The following ANGPT1 variants were observed in gnomAD, a reference collection of about 807,000 sequenced individuals.
ANGPT1 encodes the protein angiopoietin-1.
Under a neutral mutation model 62.2 loss-of-function variants are expected in ANGPT1, and 17 were observed. The observed-to-expected ratio is 0.27, with a 90% CI of 0.19 to 0.41. ANGPT1 has a LOEUF of 0.41. ANGPT1 is among the 10% of genes least tolerant of loss of function. ANGPT1 has a pLI of 1.00. For synonymous variants in ANGPT1, 199 were observed against 198.9 expected (o/e 1.00, Z 0.00); for missense variants, 478 against 594.9 (o/e 0.80, Z 2.04).
At chr8:107,311,451 G>C (rs1192040361) in intron 4 of ANGPT1, among the ~76,000 whole-genome samples, 1 of 151,986 alleles carries the variant, frequency 6.6e-6, no homozygotes, top group Non-Finnish European at 1.5e-5. Context: ...TTACTAAAGG[G>C]ATACATTTTA....
chr8:107,336,486 A>G (rs59730519), intron 2 of ANGPT1: 10 of 570,804 alleles, frequency 1.8e-5, no homozygotes, highest in Middle Eastern at 1.3e-3. Flanking sequence ...AAACATGGTG[A>G]AACCCCGTCT....
chr8:107,494,170 GATTCCCCAAATCTTAGAACATTAT>G (rs1370796185), intron 1 of ANGPT1, among the ~76,000 whole-genome samples: 1 of 152,096 alleles, frequency 6.6e-6, no homozygotes, highest in African/African-American at 2.4e-5. Context: ...ATCTTCTAAG[GATTCCCCAAATCTTAGAACATTAT>G]ACATATTTAA....
intron 4 of ANGPT1, among the ~76,000 whole-genome samples, chr8:107,310,861 G>T (rs2130009488): frequency 6.6e-6 from 1 of 152,242 alleles, no homozygotes; most frequent in Admixed American, 6.5e-5. Flanking sequence ...TTTGCTAGAA[G>T]CTTCAAAGAC....
intron 1 of ANGPT1, among the ~76,000 whole-genome samples, chr8:107,416,270 C>T (rs980623598): frequency 6.6e-6 from 1 of 152,150 alleles, no homozygotes; most frequent in Non-Finnish European, 1.5e-5. Flanking sequence ...TTGGAGTTCC[C>T]ATGATTCCCT....
intron 1 of ANGPT1, among the ~76,000 whole-genome samples, chr8:107,370,809 A>G (rs1816393206): frequency 6.6e-6 from 1 of 151,918 alleles, no homozygotes; most frequent in South Asian, 2.1e-4. Flanking sequence ...AATAATCACT[A>G]ATCACAAATA....
chr8:107,268,559 A>G (rs544460849), intron 7 of ANGPT1, among the ~76,000 whole-genome samples: 1 of 152,146 alleles, frequency 6.6e-6, no homozygotes, highest in African/African-American at 2.4e-5. Flanking sequence ...AGAATAAAGG[A>G]AAAAAAGGCC....
chr8:107,365,011 A>T (rs1376607207), intron 1 of ANGPT1, among the ~76,000 whole-genome samples: 1 of 152,192 alleles, frequency 6.6e-6, no homozygotes, highest in African/African-American at 2.4e-5. Flanking sequence ...TAACACAACT[A>T]CCTGAACATC....
intron 1 of ANGPT1, chr8:107,494,944 AG>A (rs1563648733): frequency 2.0e-5 from 3 of 152,206 alleles, no homozygotes; most frequent in African/African-American, 7.2e-5. Context: ...CAGTTTCTGC[AG>A]GGTGTTGCTT....
chr8:107,347,210 G>A (rs1210384269), intron 1 of ANGPT1, 113 bp from the exon 2 acceptor site: 32 of 1,090,578 alleles, frequency 2.9e-5, no homozygotes, highest in East Asian at 9.9e-5. Context: ...GCCATCTGGC[G>A]GGGATCCTCT....
intron 1 of ANGPT1, among the ~76,000 whole-genome samples, chr8:107,419,881 A>G (rs895675330): frequency 6.6e-6 from 1 of 152,194 alleles, no homozygotes; most frequent in Non-Finnish European, 1.5e-5. Context: ...AATAGATCTC[A>G]TATTGCACTG....
At chr8:107,322,852 T>TA (rs1158254342) in intron 3 of ANGPT1, 1 of 178,310 alleles carries the variant, frequency 5.6e-6, no homozygotes, top group East Asian at 1.7e-4. Flanking sequence ...GAAAACTATA[T>TA]TGACACAGAA....
At chr8:107,372,976 A>G (rs1816446970) in intron 1 of ANGPT1, among the ~76,000 whole-genome samples, 1 of 152,080 alleles carries the variant, frequency 6.6e-6, no homozygotes, top group Non-Finnish European at 1.5e-5. Context: ...AGTACTTTGA[A>G]AACTATTACC....
chr8:107,420,574 T>G (rs1356106867), intron 1 of ANGPT1, among the ~76,000 whole-genome samples: 1 of 152,148 alleles, frequency 6.6e-6, no homozygotes, highest in Non-Finnish European at 1.5e-5. Flanking sequence ...ATCTTCCCAA[T>G]CAGACGGAGA....
At chr8:107,425,344 A>T (rs771059012) in intron 1 of ANGPT1, among the ~76,000 whole-genome samples, 13 of 152,204 alleles carry the variant, frequency 8.5e-5, no homozygotes, top group Non-Finnish European at 1.3e-4. Context: ...CTGACTTATT[A>T]CTTAATACAG....
chr8:107,325,281 T>C (rs1302342048), intron 3 of ANGPT1, among the ~76,000 whole-genome samples: 2 of 152,236 alleles, frequency 1.3e-5, no homozygotes, highest in Non-Finnish European at 2.9e-5. Context: ...GTGTCTTAGC[T>C]TATTCTCTGT....
chr8:107,320,105 C>A (rs1283520110), intron 4 of ANGPT1, among the ~76,000 whole-genome samples: 1 of 152,068 alleles, frequency 6.6e-6, no homozygotes, highest in Admixed American at 6.6e-5. Context: ...GACACAGTTA[C>A]TTTTTTCACT....
intron 1 of ANGPT1, among the ~76,000 whole-genome samples, chr8:107,381,551 G>A (rs1816637165): frequency 6.6e-6 from 1 of 152,104 alleles, no homozygotes; most frequent in Admixed American, 6.6e-5. Flanking sequence ...GCCCTGAAGA[G>A]GAATTATACT....
chr8:107,369,633 T>G (rs1816341363), intron 1 of ANGPT1, among the ~76,000 whole-genome samples: 1 of 152,112 alleles, frequency 6.6e-6, no homozygotes, highest in African/African-American at 2.4e-5. Flanking sequence ...TCCTTTTACT[T>G]GAACACTCAG....
chr8:107,398,537 T>C (rs1474194528), intron 1 of ANGPT1, among the ~76,000 whole-genome samples: 2 of 146,036 alleles, frequency 1.4e-5, no homozygotes, highest in Non-Finnish European at 3.0e-5. Flanking sequence ...GAAAACACTC[T>C]GTGAATCAAA....
Sources: gnomAD v4.1 joint callset for allele counts (sites outside exome capture counted in the v4.1 genomes callset) on GRCh38, gnomAD v4.1.1 for gene constraint, MANE v1.5 for transcripts, NCBI Gene and HGNC (gene_info 2026-07-23, HGNC 2026-07-21) for gene names.